The following PDE7B variants were observed in gnomAD, a reference collection of about 807,000 sequenced individuals.
The protein encoded by PDE7B is phosphodiesterase 7B, also known as 3',5'-cyclic-AMP phosphodiesterase 7B.
Under a neutral mutation model 56.2 loss-of-function variants are expected in PDE7B, and 29 were observed. That is an observed-to-expected ratio of 0.52 (90% confidence interval 0.38 to 0.70). The LOEUF (loss-of-function observed/expected upper bound fraction) is 0.70, where lower values mean the gene tolerates loss of function less well. PDE7B is among the 30% of genes least tolerant of loss of function. PDE7B has a pLI of 0.00. For missense variants in PDE7B, 490 were observed against 565.0 expected (o/e 0.87, Z 1.35); for synonymous variants, 197 against 196.9 (o/e 1.00, Z 0.00).
chr6:135,936,157 T>A (rs1774416274), intron 1 of PDE7B, among the ~76,000 whole-genome samples: 1 of 152,232 alleles, frequency 6.6e-6, no homozygotes, highest in African/African-American at 2.4e-5. Context: ...ATTTAATTGT[T>A]GGTTTATGTA....
chr6:136,173,302 G>A (rs1778923561), intron 8 of PDE7B, among the ~76,000 whole-genome samples: 1 of 152,150 alleles, frequency 6.6e-6, no homozygotes, highest in South Asian at 2.1e-4. Context: ...TACCAAAACA[G>A]AGATATAGAT....
chr6:135,969,219 G>A (rs1192661007), intron 2 of PDE7B, among the ~76,000 whole-genome samples: 1 of 152,096 alleles, frequency 6.6e-6, no homozygotes, highest in Non-Finnish European at 1.5e-5. Flanking sequence ...ATACCTAAAT[G>A]ATGGGTTGAT....
chr6:136,038,176 C>T (rs1776357121), intron 2 of PDE7B: 1 of 1,298,992 alleles, frequency 7.7e-7, no homozygotes, highest in Non-Finnish European at 1.0e-6. Flanking sequence ...GGAAGAATTT[C>T]CCCTGTGGTA....
At chr6:136,008,119 T>A (rs1406125707) in intron 2 of PDE7B, among the ~76,000 whole-genome samples, 1 of 152,068 alleles carries the variant, frequency 6.6e-6, no homozygotes, top group Non-Finnish European at 1.5e-5. Flanking sequence ...TTGCTGAGAA[T>A]GATGGTTTCC....
Position 136,114,099 on chromosome 6 carries a change from G to A in PDE7B, c.166+5285G>A, listed in dbSNP as rs1440986574. ...AGACCAGCCCCTGGGCTTTGCAGTAGTAGGTTAATTGGCTATTTGGCTTTT... is the reference window on the plus strand; with the variant it reads ...AGACCAGCCCCTGGGCTTTGCAGTAATAGGTTAATTGGCTATTTGGCTTTT... On this transcript the variant is annotated intron_variant, in intron 3 of 12. Transcript: ENST00000308191. Among the ~76,000 whole-genome samples the A allele has an allele frequency of 3.3e-5, 5 of 152,216 alleles. No individual in the cohort carries two copies. In the East Asian group the frequency reaches 9.6e-4, roughly 29 times the overall value.
At chr6:135,940,173 C>T (rs901390988) in intron 1 of PDE7B, among the ~76,000 whole-genome samples, 12 of 152,184 alleles carry the variant, frequency 7.9e-5, no homozygotes, top group African/African-American at 1.7e-4. Flanking sequence ...AAGATCTTAA[C>T]CAAGGTTCTG....
At position 135,916,392 on chromosome 6, in the gene PDE7B, C is replaced by T. The variant is rs111910500; in HGVS notation, c.22-31072C>T. Among the ~76,000 whole-genome samples, 542 of 96,320 alleles carry T rather than the reference C, an allele frequency of 5.6e-3. 9 individuals carry two copies. Among genetic ancestry groups the T allele is most frequent in the African/African-American group, 0.018 (426 of 24,162 alleles). 63.2% of individuals were successfully genotyped at this position (96,320 alleles called of 152,430 possible). A position where few individuals can be genotyped will look rare whatever the true frequency, so the allele number is the denominator to read the frequency against. ...TTTTTTCTTTTCTTTTCTTTTCTTT[C>T]TTTTTTTTTTTTTTTTTTGAGATGG... On this transcript the variant is annotated intron_variant, in intron 1 of 12. Transcript: ENST00000308191.
chr6:136,177,308 T>C (rs1778993628), intron 9 of PDE7B, among the ~76,000 whole-genome samples: 1 of 152,068 alleles, frequency 6.6e-6, no homozygotes, highest in Non-Finnish European at 1.5e-5. Context: ...TATTTATAAA[T>C]TTAAAAATAA....
At chr6:136,101,477 C>T (rs1777561164) in intron 2 of PDE7B, among the ~76,000 whole-genome samples, 1 of 152,008 alleles carries the variant, frequency 6.6e-6, no homozygotes, top group South Asian at 2.1e-4. Flanking sequence ...TCAACTTCTT[C>T]CTGCTTTAGT....
At chr6:136,150,855 A>ATGTGTG (rs60877369) in intron 5 of PDE7B, among the ~76,000 whole-genome samples, 51 of 150,616 alleles carry the variant, frequency 3.4e-4, no homozygotes, top group African/African-American at 1.0e-3. Flanking sequence ...ACATATACAC[A>ATGTGTG]TGTGTGTGTG....
At chr6:135,997,485 T>C (rs113968927) in intron 2 of PDE7B, among the ~76,000 whole-genome samples, 1 of 111,770 alleles carries the variant, frequency 8.9e-6, no homozygotes, top group South Asian at 3.4e-4. Context: ...TAAAAAGAAC[T>C]CATATGCATT....
intron 2 of PDE7B, among the ~76,000 whole-genome samples, chr6:135,959,251 G>A (rs1366253452): frequency 1.3e-5 from 2 of 152,104 alleles, no homozygotes; most frequent in African/African-American, 4.8e-5. Context: ...TTGGTGAATA[G>A]CACCATCCTC....
At chr6:135,880,299 G>A (rs9483887) in intron 1 of PDE7B, among the ~76,000 whole-genome samples, 2,959 of 152,254 alleles carry the variant, frequency 0.019, 101 homozygotes, top group African/African-American at 0.067. Context: ...TTGGGGCCAT[G>A]TACTTTGGGA....
At chr6:136,158,303 T>A (rs1778645271) in intron 8 of PDE7B, among the ~76,000 whole-genome samples, 1 of 152,104 alleles carries the variant, frequency 6.6e-6, no homozygotes, top group African/African-American at 2.4e-5. Context: ...TAAAATAAGT[T>A]GCAGATTCTG....
intron 1 of PDE7B, among the ~76,000 whole-genome samples, chr6:135,913,280 A>C (rs1394445090): frequency 2.0e-5 from 3 of 152,152 alleles, no homozygotes; most frequent in Admixed American, 6.5e-5. Context: ...TAATGTCTGG[A>C]TTTTAACTCA....
Position 136,192,958 on chromosome 6 carries a change from C to T in PDE7B, c.*1118C>T, listed in dbSNP as rs1779253391. 6.6e-6 allele frequency: 1 copy of T among 152,240 alleles called. No homozygotes were observed. Among genetic ancestry groups the T allele is most frequent in the African/African-American group, 2.4e-5 (1 of 41,450 alleles). 9.4% of individuals were successfully genotyped at this position (152,240 alleles called of 1,614,324 possible). On this transcript the variant is annotated 3_prime_UTR_variant, in exon 13 of 13. Coordinates refer to ENST00000308191, the MANE Select transcript of PDE7B (RefSeq NM_018945.4). ...CTTTGAGGAAACATTTTGGAAACTT[C>T]ACATGCATTCCGCTTGAGACCATAG...
intron 3 of PDE7B, among the ~76,000 whole-genome samples, chr6:136,138,338 C>T (rs1778252102): frequency 1.3e-5 from 2 of 152,036 alleles, no homozygotes; most frequent in Non-Finnish European, 1.5e-5. Flanking sequence ...CATTTAAATA[C>T]TTCAAAAACC....
chr6:136,186,602 A>G lies in PDE7B; in HGVS notation c.1046-434A>G, dbSNP rs1779149772. On this transcript the variant is annotated intron_variant, in intron 11 of 12. Coordinates refer to ENST00000308191, the MANE Select transcript of PDE7B (RefSeq NM_018945.4). ...CTTCTACCTCATTTCCTACCTACTTACTGTTCCTGGTTGTCCTCAGGTGAA... is the reference window on the plus strand; with the variant it reads ...CTTCTACCTCATTTCCTACCTACTTGCTGTTCCTGGTTGTCCTCAGGTGAA... Among the ~76,000 whole-genome samples, 3 of 152,114 alleles carry G rather than the reference A, an allele frequency of 2.0e-5. No individual in the cohort carries two copies. The South Asian group carries it at 6.2e-4, about 32-fold the overall frequency.
intron 3 of PDE7B, among the ~76,000 whole-genome samples, chr6:136,143,137 G>C (rs941490576): frequency 1.3e-5 from 2 of 152,030 alleles, no homozygotes; most frequent in African/African-American, 4.8e-5. Context: ...CTCTTTTAGG[G>C]CAGGCCTGGT....
Sources: allele counts gnomAD v4.1 joint callset (sites outside exome capture counted in the v4.1 genomes callset), GRCh38; gene constraint gnomAD v4.1.1; transcripts MANE v1.5; gene names NCBI Gene and HGNC (gene_info 2026-07-23, HGNC 2026-07-21).